The following BAZ2B variants were observed in gnomAD, a reference collection of about 807,000 sequenced individuals.
BAZ2B encodes the protein bromodomain adjacent to zinc finger domain 2B.
In BAZ2B, 91 loss-of-function variants were observed where a neutral mutation model predicts 246.0. The observed-to-expected ratio is 0.37, with a 90% CI of 0.31 to 0.44. The LOEUF (loss-of-function observed/expected upper bound fraction) is 0.44, where lower values mean the gene tolerates loss of function less well. BAZ2B is among the 20% of genes least tolerant of loss of function. BAZ2B has a pLI of 1.00. For missense variants in BAZ2B, 2,332 were observed against 2,533.7 expected (o/e 0.92, Z 1.71); for synonymous variants, 855 against 860.0 (o/e 0.99, Z 0.10).
Position 159,453,628 on chromosome 2 carries a change from G to C in BAZ2B, c.319C>G (p.Leu107Val). The change falls in exon 4 of 37, where the codon CTA (leucine) becomes GTA (valine). Residue 107 changes from leucine (L) to valine (V), a missense_variant. Physicochemically the swap from Leu to Val is conservative, Grantham distance 32. This residue lies in a region of BAZ2B where 242 missense variants were observed against 237.4 expected (regional missense o/e 1.02). Coordinates refer to ENST00000392783, the MANE Select transcript of BAZ2B (RefSeq NM_013450.4). ...TPTALAAHPQ[L>V]ASFPGAEWWR... ...AGATGTTTACCTGGAAAAGATGCTA[G>C]TTGGGGATGTGCGGCTAAGGCTGTG... is the stretch of plus-strand genomic sequence containing the variant. 3 of 1,608,848 alleles carry C rather than the reference G, an allele frequency of 1.9e-6. No individual in the cohort carries two copies. The highest frequency in any genetic ancestry group is 2.5e-6 in the Non-Finnish European group (3 of 1,177,458).
the BAZ2B span, chr2:159,689,372 CTTT>C: frequency 0.019 from 3,203 of 164,562 alleles, no homozygotes; most frequent in South Asian, 0.04. Context: ...TTTTACTTTC[CTTT>C]TTTTTTTTTT....
chr2:159,383,609 C>A lies in BAZ2B; in HGVS notation c.3758G>T (p.Arg1253Leu), dbSNP rs1174653518. ...ACTTTAATAAAACAGGACTTACTTGCGGAGTTTACCTTCTACCACCCATTT... is the reference window on the plus strand; with the variant it reads ...ACTTTAATAAAACAGGACTTACTTGAGGAGTTTACCTTCTACCACCCATTT... ...RDKWVVEGKLRKLRIIHAKKT... is the reference protein window; with the variant it reads ...RDKWVVEGKLLKLRIIHAKKT... Residue 1253 changes from arginine to leucine, a missense_variant, in exon 24 of 37, where the codon CGC (arginine) becomes CTC (leucine). Arg to Leu is a moderately radical substitution (Grantham distance 102). Coordinates refer to ENST00000392783, the MANE Select transcript of BAZ2B (RefSeq NM_013450.4). The A allele has an allele frequency of 3.1e-6, 5 of 1,609,142 alleles. No individual in the cohort carries two copies. The highest frequency in any genetic ancestry group is 1.3e-5 in the African/African-American group (1 of 74,722).
chr2:159,392,534 C>T (rs952257254), intron 20 of BAZ2B, among the ~76,000 whole-genome samples: 2 of 152,120 alleles, frequency 1.3e-5, no homozygotes, highest in East Asian at 3.9e-4. Flanking sequence ...TCACCTGTTT[C>T]TTCATGGACC....
Position 159,564,281 on chromosome 2 carries a change from G to C in BAZ2B, c.-45-8416C>G, listed in dbSNP as rs893879811. Among the ~76,000 whole-genome samples, 3 of 152,074 alleles carry C rather than the reference G, an allele frequency of 2.0e-5. No homozygotes were observed. The East Asian group carries it at 5.8e-4, about 29-fold the overall frequency. On this transcript the variant is annotated intron_variant, in intron 1 of 36. Coordinates refer to ENST00000392783, the MANE Select transcript of BAZ2B (RefSeq NM_013450.4). ...AGGGCTAGTGCAGAGTAAGATAGGG[G>C]GTAGGAGAGCAAGGCAGAGACCACA... is the stretch of plus-strand genomic sequence containing the variant.
chr2:159,667,526 G>A, the BAZ2B span, among the ~76,000 whole-genome samples: 1 of 151,986 alleles, frequency 6.6e-6, no homozygotes, highest in Non-Finnish European at 1.5e-5. Context: ...AACCCAGGAG[G>A]TGGAGGTTGC....
At chr2:159,367,804 C>T (rs887870555) in intron 27 of BAZ2B, among the ~76,000 whole-genome samples, 7 of 151,914 alleles carry the variant, frequency 4.6e-5, no homozygotes, top group Admixed American at 2.0e-4. Flanking sequence ...AGGAGAATGG[C>T]GTGAAAGTGG....
At chr2:159,466,778 A>G (rs1393904370) in intron 3 of BAZ2B, among the ~76,000 whole-genome samples, 1 of 152,168 alleles carries the variant, frequency 6.6e-6, no homozygotes, top group East Asian at 1.9e-4. Context: ...GATGTCCTAG[A>G]TCAATCAGTC....
intron 3 of BAZ2B, chr2:159,458,857 C>A (rs1381133558): frequency 6.6e-6 from 1 of 152,140 alleles, no homozygotes; most frequent in African/African-American, 2.4e-5. Context: ...TAAACTATCA[C>A]CTCTATGCAA....
chr2:159,558,585 T>C (rs1208924026), intron 1 of BAZ2B, among the ~76,000 whole-genome samples: 1 of 152,058 alleles, frequency 6.6e-6, no homozygotes, highest in Non-Finnish European at 1.5e-5. Context: ...TTAGAAGAGT[T>C]CAAGATTTGA....
intron 2 of BAZ2B, among the ~76,000 whole-genome samples, chr2:159,527,878 T>C (rs903883893): frequency 3.9e-5 from 6 of 152,206 alleles, no homozygotes; most frequent in African/African-American, 9.6e-5. Flanking sequence ...AGTGTTTCTG[T>C]AGACTACATT....
intron 27 of BAZ2B, among the ~76,000 whole-genome samples, chr2:159,360,058 C>T (rs1344002678): frequency 6.6e-6 from 1 of 152,138 alleles, no homozygotes; most frequent in East Asian, 1.9e-4. Context: ...GACAAGGATG[C>T]CCTTTCTTAC....
At chr2:159,625,374 A>G in the BAZ2B span, among the ~76,000 whole-genome samples, 1 of 152,168 alleles carries the variant, frequency 6.6e-6, no homozygotes, top group Non-Finnish European at 1.5e-5. Flanking sequence ...ACACGCAATC[A>G]TCAGATTTAC....
At chr2:159,606,776 T>A (rs1460498800) in intron 1 of BAZ2B, among the ~76,000 whole-genome samples, 1 of 152,186 alleles carries the variant, frequency 6.6e-6, no homozygotes, top group Non-Finnish European at 1.5e-5. Flanking sequence ...ATTATTATGA[T>A]GTAGTAATAA....
At chr2:159,532,036 G>A (rs980315009) in intron 2 of BAZ2B, among the ~76,000 whole-genome samples, 1 of 152,062 alleles carries the variant, frequency 6.6e-6, no homozygotes, top group Non-Finnish European at 1.5e-5. Context: ...CAATGGCTTA[G>A]AAACTAAGAC....
chr2:159,603,457 T>C (rs1480134430), intron 1 of BAZ2B, among the ~76,000 whole-genome samples: 1 of 152,204 alleles, frequency 6.6e-6, no homozygotes, highest in African/African-American at 2.4e-5. Flanking sequence ...CATTCCCACA[T>C]TTTTTCTTTC....
intron 8 of BAZ2B, chr2:159,437,880 G>A (rs528440512): frequency 1.0e-4 from 16 of 159,054 alleles, no homozygotes; most frequent in Admixed American, 8.4e-4. Flanking sequence ...TTGAGCCACC[G>A]CACTCCAGCC....
intron 3 of BAZ2B, among the ~76,000 whole-genome samples, chr2:159,455,763 G>GT (rs60866580): frequency 0.047 from 3,017 of 64,646 alleles, 31 homozygotes; most frequent in African/African-American, 0.068. Context: ...AAATATTGTG[G>GT]TTTTTTTTTT....
At chr2:159,562,361 T>TAAA (rs1389719400) in intron 1 of BAZ2B, among the ~76,000 whole-genome samples, 1 of 152,236 alleles carries the variant, frequency 6.6e-6, no homozygotes, top group Non-Finnish European at 1.5e-5. Flanking sequence ...AACTGGCTAT[T>TAAA]AGACTTGGTA....
rs16843901 is a variant in BAZ2B at position 159,346,197 on chromosome 2, C to T, written c.5454+1289G>A. Among the ~76,000 whole-genome samples the T allele has an allele frequency of 8.7e-3, 1,322 of 152,164 alleles. 17 individuals are homozygous for T. Among genetic ancestry groups the T allele is most frequent in the African/African-American group, 0.03 (1,258 of 41,506 alleles). On this transcript the variant is annotated intron_variant, in intron 31 of 36. Coordinates refer to ENST00000392783, the MANE Select transcript of BAZ2B (RefSeq NM_013450.4). Reference sequence around the variant, plus strand: ...TTTTGCTTCCCAACGTTGGTAATTACGTTTGTCACAAGAAAGGGATATTTT... The same window carrying T: ...TTTTGCTTCCCAACGTTGGTAATTATGTTTGTCACAAGAAAGGGATATTTT...
Sources: allele counts gnomAD v4.1 joint callset (sites outside exome capture counted in the v4.1 genomes callset), GRCh38; gene constraint gnomAD v4.1.1; regional missense constraint gnomAD v4.1.1; transcripts MANE v1.5; gene names NCBI Gene and HGNC (gene_info 2026-07-23, HGNC 2026-07-21).